PACSIN2: variants seen among roughly 807,000 people sequenced by gnomAD.
The protein encoded by PACSIN2 is protein kinase C and casein kinase substrate in neurons 2.
PACSIN2 carries 25 observed loss-of-function variants against 63.8 expected under a neutral mutation model. That is an observed-to-expected ratio of 0.39 (90% CI 0.29 to 0.55). The LOEUF is 0.55. Ranked by LOEUF, PACSIN2 falls within the 20% of genes least tolerant of loss-of-function variation. PACSIN2 has a pLI of 0.62. For missense variants in PACSIN2, 518 were observed against 646.9 expected (o/e 0.80, Z 2.16); for synonymous variants, 255 against 256.2 (o/e 1.00, Z 0.05).
At chr22:42,919,772 C>CAAAAAAA (rs761464603) in intron 1 of PACSIN2, among the ~76,000 whole-genome samples, 11 of 48,776 alleles carry the variant, frequency 2.3e-4, no homozygotes, top group Admixed American at 4.2e-4. Flanking sequence ...GAACCTGTCT[C>CAAAAAAA]AAAAAAAAAA....
chr22:42,919,979 A>G (rs1932078564), intron 1 of PACSIN2, among the ~76,000 whole-genome samples: 1 of 151,198 alleles, frequency 6.6e-6, no homozygotes, highest in Non-Finnish European at 1.5e-5. Context: ...GTGGTGGTAC[A>G]CACCTGTAGT....
intron 1 of PACSIN2, among the ~76,000 whole-genome samples, chr22:42,981,290 A>G (rs1922094139): frequency 8.0e-6 from 1 of 124,356 alleles, no homozygotes; most frequent in Admixed American, 7.7e-5. Context: ...CCGTCCGGCA[A>G]CCACCCCGTC....
intron 1 of PACSIN2, among the ~76,000 whole-genome samples, chr22:42,996,487 G>A (rs1470457372): frequency 2.0e-5 from 3 of 147,956 alleles, no homozygotes; most frequent in Non-Finnish European, 4.4e-5. Context: ...AGCCAAGATC[G>A]AGCCACTGCA....
At chr22:42,899,353 C>T (rs529006681) in intron 2 of PACSIN2, among the ~76,000 whole-genome samples, 1 of 152,218 alleles carries the variant, frequency 6.6e-6, no homozygotes, top group South Asian at 2.1e-4. Flanking sequence ...GTGGTGCCAT[C>T]TCGGCTCACT....
At chr22:42,960,333 T>G (rs1934086417) in intron 1 of PACSIN2, among the ~76,000 whole-genome samples, 1 of 152,140 alleles carries the variant, frequency 6.6e-6, no homozygotes, top group South Asian at 2.1e-4. Context: ...GTCAACTTCC[T>G]TCTGTGACTA....
intron 1 of PACSIN2, chr22:43,002,393 A>G (rs541327799): frequency 1.3e-5 from 2 of 152,342 alleles, no homozygotes; most frequent in Non-Finnish European, 2.9e-5. Context: ...AGGATTAATC[A>G]TCAAGTAGTA....
intron 1 of PACSIN2, among the ~76,000 whole-genome samples, chr22:42,959,159 C>T (rs115904342): frequency 5.9e-4 from 89 of 152,136 alleles, no homozygotes; most frequent in African/African-American, 2.0e-3. Flanking sequence ...GGTCCTGGAG[C>T]GGTGGCAGGT....
intron 1 of PACSIN2, among the ~76,000 whole-genome samples, chr22:42,986,946 TA>T (rs1413229927): frequency 1.3e-5 from 2 of 152,118 alleles, no homozygotes; most frequent in Non-Finnish European, 2.9e-5. Context: ...CCTTCTTGAG[TA>T]AAGTTTATTG....
chr22:42,976,970 T>C (rs900212116), intron 1 of PACSIN2, among the ~76,000 whole-genome samples: 2 of 152,260 alleles, frequency 1.3e-5, no homozygotes, highest in African/African-American at 4.8e-5. Flanking sequence ...CTTGCATTGC[T>C]AGAGTAAACC....
intron 1 of PACSIN2, among the ~76,000 whole-genome samples, chr22:42,972,064 G>T (rs377311424): frequency 3.2e-4 from 49 of 151,994 alleles, no homozygotes; most frequent in South Asian, 8.3e-4. Flanking sequence ...TTGTCCAATG[G>T]GGGGGGGAAA....
intron 1 of PACSIN2, among the ~76,000 whole-genome samples, chr22:42,915,771 C>A (rs1931766862): frequency 6.6e-6 from 1 of 152,204 alleles, no homozygotes; most frequent in Non-Finnish European, 1.5e-5. Context: ...AAGCTCTGCA[C>A]CACCACTTCA....
chr22:42,948,184 C>G (rs531916115), intron 1 of PACSIN2, among the ~76,000 whole-genome samples: 1 of 152,144 alleles, frequency 6.6e-6, no homozygotes, highest in Non-Finnish European at 1.5e-5. Flanking sequence ...TCCTGGAGGG[C>G]AAACCCTGGG....
intron 1 of PACSIN2, among the ~76,000 whole-genome samples, chr22:42,955,284 T>C (rs1422660304): frequency 2.6e-5 from 4 of 152,040 alleles, no homozygotes; most frequent in African/African-American, 7.2e-5. Flanking sequence ...ACTGAATGAA[T>C]GAATGAATGA....
intron 1 of PACSIN2, among the ~76,000 whole-genome samples, chr22:42,957,186 G>A (rs561167218): frequency 6.6e-6 from 1 of 152,240 alleles, no homozygotes; most frequent in African/African-American, 2.4e-5. Flanking sequence ...AACACCAGGA[G>A]GGAAGACAGT....
At chr22:42,882,518 G>A (rs1929160169) in intron 6 of PACSIN2, among the ~76,000 whole-genome samples, 1 of 152,170 alleles carries the variant, frequency 6.6e-6, no homozygotes, top group African/African-American at 2.4e-5. Context: ...AATCAAACCA[G>A]CCAAGCAGGT....
chr22:43,009,197 T>C (rs1924291048), intron 1 of PACSIN2, among the ~76,000 whole-genome samples: 1 of 152,208 alleles, frequency 6.6e-6, no homozygotes, highest in East Asian at 1.9e-4. Flanking sequence ...GCCCCAGTTC[T>C]GGTCCCAGGA....
intron 1 of PACSIN2, among the ~76,000 whole-genome samples, chr22:42,984,735 C>T (rs1433893972): frequency 2.0e-5 from 3 of 152,152 alleles, no homozygotes; most frequent in African/African-American, 7.2e-5. Flanking sequence ...GAGCTGTGGC[C>T]TTTGACACTT....
intron 1 of PACSIN2, among the ~76,000 whole-genome samples, chr22:43,011,397 G>A (rs1220384870): frequency 6.6e-6 from 1 of 152,220 alleles, no homozygotes; most frequent in African/African-American, 2.4e-5. Context: ...AAGCAGGCCC[G>A]AGTCAGCTGG....
chr22:42,876,084 CAGCCTGCAGGTTGGA>C, intron 10 of PACSIN2, 38 bp downstream of exon 10: 1 of 1,506,966 alleles, frequency 6.6e-7, no homozygotes, highest in Non-Finnish European at 9.1e-7. Context: ...AGACCGCCCA[CAGCCTGCAGGTTGGA>C]AGCCCTCCTC....
Sources: gnomAD v4.1 joint callset for allele counts (sites outside exome capture counted in the v4.1 genomes callset) on GRCh38, gnomAD v4.1.1 for gene constraint, MANE v1.5 for transcripts, NCBI Gene and HGNC (gene_info 2026-07-23, HGNC 2026-07-21) for gene names.